The following EPHA5 variants were observed in gnomAD, a reference collection of about 807,000 sequenced individuals.
The protein encoded by EPHA5 is EPH receptor A5.
A neutral mutation model predicts 105.0 loss-of-function variants in EPHA5; 60 were observed. The observed-to-expected ratio is 0.57, with a 90% confidence interval of 0.46 to 0.71. The LOEUF is 0.71. Ranked by LOEUF, EPHA5 falls within the 30% of genes least tolerant of loss-of-function variation. The pLI is 0.00. For missense variants in EPHA5, 1,218 were observed against 1,274.7 expected (o/e 0.96, Z 0.68); for synonymous variants, 513 against 449.1 (o/e 1.14, Z -1.80).
intron 14 of EPHA5, among the ~76,000 whole-genome samples, chr4:65,340,344 C>G (rs1356451073): frequency 1.3e-5 from 2 of 152,126 alleles, no homozygotes; most frequent in South Asian, 2.1e-4. Context: ...TGCCAGAAAA[C>G]ACAGCAAAGC....
chr4:65,637,273 A>G (rs1273953817), intron 2 of EPHA5, among the ~76,000 whole-genome samples: 1 of 151,718 alleles, frequency 6.6e-6, no homozygotes, highest in African/African-American at 2.4e-5. Context: ...AACAAAAAAA[A>G]ATGTGGATGC....
intron 3 of EPHA5, among the ~76,000 whole-genome samples, chr4:65,580,587 A>G (rs1293937097): frequency 2.0e-5 from 3 of 151,824 alleles, no homozygotes; most frequent in Non-Finnish European, 2.9e-5. Context: ...TGCTGAAGGT[A>G]AATAATGTGA....
At chr4:65,660,802 T>C (rs566086459) in intron 1 of EPHA5, among the ~76,000 whole-genome samples, 3 of 138,616 alleles carry the variant, frequency 2.2e-5, no homozygotes, top group South Asian at 4.7e-4. Context: ...CTCAAGGACA[T>C]GGGCCACTTG....
At chr4:65,450,622 C>T (rs1188754595) in intron 5 of EPHA5, among the ~76,000 whole-genome samples, 1 of 152,136 alleles carries the variant, frequency 6.6e-6, no homozygotes, top group Non-Finnish European at 1.5e-5. Context: ...AATTATTAAT[C>T]ATATCAAACA....
At position 65,414,403 on chromosome 4, in the gene EPHA5, G is replaced by T. The variant is rs201024355; in HGVS notation, c.1568C>A (p.Thr523Lys). The change falls in exon 7 of 17, where the codon ACA (threonine) becomes AAA (lysine). Residue 523 changes from threonine (T) to lysine (K), a missense_variant. Thr to Lys is a moderately conservative substitution (Grantham distance 78, BLOSUM62 -1). Around this residue, in one of 3 missense-constraint regions of EPHA5, gnomAD observed 971 missense variants for 1,013.5 expected, o/e 0.96. Coordinates refer to ENST00000613740, the MANE Select transcript of EPHA5 (RefSeq NM_001281766.3). The part of the protein sequence containing the change: ...TSYTIIKSKE[T>K]TITAEGLKPA... ...TTTCAAGCCCTCTGCAGTAATAGTT[G>T]TCTCTTTAGATTTGATAATCGTGTA... 5 of 1,613,942 alleles carry T rather than the reference G, an allele frequency of 3.1e-6. No homozygotes were observed. Among genetic ancestry groups the T allele is most frequent in the Non-Finnish European group, 4.2e-6 (5 of 1,179,876 alleles).
At chr4:65,537,068 T>G (rs1407216614) in intron 3 of EPHA5, among the ~76,000 whole-genome samples, 1 of 151,738 alleles carries the variant, frequency 6.6e-6, no homozygotes, top group East Asian at 1.9e-4. Flanking sequence ...GATCCAAAAA[T>G]TAGAACATAT....
chr4:65,454,566 G>A (rs935134940), intron 5 of EPHA5, among the ~76,000 whole-genome samples: 3 of 152,138 alleles, frequency 2.0e-5, no homozygotes, highest in African/African-American at 7.2e-5. Flanking sequence ...CATTATACAT[G>A]TGAGTCTATC....
rs184126424 is a variant in EPHA5, at chr4:65,427,344, C to A, written c.1403-6779G>T. ...GGGTTAAGGCGCCTGCCACTGCACCCGGCTAATTTTTGTATTTTTAGTAGA... is the reference window on the plus strand; with the variant it reads ...GGGTTAAGGCGCCTGCCACTGCACCAGGCTAATTTTTGTATTTTTAGTAGA... On this transcript the variant is annotated intron_variant, in intron 5 of 16. Transcript: ENST00000613740. Among the ~76,000 whole-genome samples the A allele has an allele frequency of 3.1e-3, 467 of 151,802 alleles. 2 individuals carry two copies. Among genetic ancestry groups the A allele is most frequent in the Middle Eastern group, 6.8e-3 (2 of 294 alleles).
At chr4:65,559,524 T>A (rs1738796618) in intron 3 of EPHA5, among the ~76,000 whole-genome samples, 1 of 152,098 alleles carries the variant, frequency 6.6e-6, no homozygotes. Flanking sequence ...AACAGCAACT[T>A]TGAGGTTTCT....
intron 5 of EPHA5, among the ~76,000 whole-genome samples, chr4:65,452,741 C>T (rs1727189308): frequency 6.6e-6 from 1 of 152,192 alleles, no homozygotes; most frequent in Non-Finnish European, 1.5e-5. Context: ...TTTGAAAGAA[C>T]TAAAGCAGAA....
chr4:65,631,865 T>G (rs28593447), intron 2 of EPHA5, among the ~76,000 whole-genome samples: 3 of 152,034 alleles, frequency 2.0e-5, no homozygotes, highest in Non-Finnish European at 4.4e-5. Context: ...AATATTGGCA[T>G]TAATTTATAT....
At position 65,481,494 on chromosome 4, in the gene EPHA5, G is replaced by A. The variant is rs529485013; in HGVS notation, c.1402+8883C>T. 7.2e-5 allele frequency among the ~76,000 whole-genome samples: 11 copies of A among 152,274 alleles called. No individual in the cohort carries two copies. In the East Asian group the frequency reaches 1.9e-3, roughly 27 times the overall value. On this transcript the variant is annotated intron_variant, in intron 5 of 16. Coordinates refer to ENST00000613740, the MANE Select transcript of EPHA5 (RefSeq NM_001281766.3). ...TAGCAGATTCAGCTGTCCAACACAT[G>A]ACTGAGGAAGCTGCTCCTTCATTTC...
intron 14 of EPHA5, among the ~76,000 whole-genome samples, chr4:65,345,089 G>A (rs776604640): frequency 1.3e-5 from 2 of 152,046 alleles, no homozygotes; most frequent in Non-Finnish European, 2.9e-5. Context: ...CTGACACAAG[G>A]TTGTTAAATA....
intron 11 of EPHA5, among the ~76,000 whole-genome samples, chr4:65,355,026 T>C (rs766504086): frequency 2.6e-5 from 4 of 151,794 alleles, no homozygotes; most frequent in Non-Finnish European, 5.9e-5. Context: ...GATGCCTATG[T>C]TAGGTGAGAG....
intron 6 of EPHA5, among the ~76,000 whole-genome samples, chr4:65,419,355 T>C (rs142435533): frequency 6.6e-6 from 1 of 152,234 alleles, no homozygotes; most frequent in Non-Finnish European, 1.5e-5. Context: ...AAAGTAAGAT[T>C]TTGTATTTCC....
chr4:65,449,558 C>T (rs757010674), intron 5 of EPHA5, among the ~76,000 whole-genome samples: 11 of 152,166 alleles, frequency 7.2e-5, no homozygotes, highest in Middle Eastern at 3.4e-3. Flanking sequence ...GACAAACTGT[C>T]GTATATTCAT....
chr4:65,638,470 G>C (rs1747350406), intron 2 of EPHA5, among the ~76,000 whole-genome samples: 1 of 152,146 alleles, frequency 6.6e-6, no homozygotes, highest in Non-Finnish European at 1.5e-5. Flanking sequence ...GGGCACGGTG[G>C]CTCATGCCTG....
chr4:65,405,622 T>A lies in EPHA5; in HGVS notation c.1688-1143A>T, dbSNP rs549289543. 3.9e-5 allele frequency among the ~76,000 whole-genome samples: 6 copies of A among 152,224 alleles called. No homozygotes were observed. The South Asian group carries it at 1.2e-3, about 32-fold the overall frequency. On this transcript the variant is annotated intron_variant, in intron 7 of 16. Coordinates refer to ENST00000613740, the MANE Select transcript of EPHA5 (RefSeq NM_001281766.3). The stretch of plus-strand genomic sequence containing the variant: ...CAAATATTCTAGACCAGTAGTTAGA[T>A]CCCAATATTATTAACAGCTGTTTTG...
At chr4:65,660,588 T>A (rs1749472433) in intron 1 of EPHA5, among the ~76,000 whole-genome samples, 1 of 152,104 alleles carries the variant, frequency 6.6e-6, no homozygotes, top group Non-Finnish European at 1.5e-5. Context: ...AGGTACATTA[T>A]TATTTTATTT....
Sources: gnomAD v4.1 joint callset for allele counts (sites outside exome capture counted in the v4.1 genomes callset) on GRCh38, gnomAD v4.1.1 for gene constraint, gnomAD v4.1.1 regional missense constraint, MANE v1.5 for transcripts, NCBI Gene and HGNC (gene_info 2026-07-23, HGNC 2026-07-21) for gene names.